The following GRM8 variants were observed in gnomAD, a reference collection of about 807,000 sequenced individuals.
The protein encoded by GRM8 is glutamate metabotropic receptor 8.
A neutral mutation model predicts 87.2 loss-of-function variants in GRM8; 47 were observed. That is an observed-to-expected ratio of 0.54 (90% confidence interval 0.43 to 0.69). GRM8 has a LOEUF of 0.69. Ranked by LOEUF, GRM8 falls within the 30% of genes least tolerant of loss-of-function variation. The pLI is 0.00. For synonymous variants in GRM8, 396 were observed against 404.5 expected (o/e 0.98, Z 0.25); for missense variants, 1,019 against 1,139.2 (o/e 0.89, Z 1.52).
At chr7:127,028,221 T>C (rs1816995523) in intron 3 of GRM8, among the ~76,000 whole-genome samples, 1 of 152,360 alleles carries the variant, frequency 6.6e-6, no homozygotes, top group South Asian at 2.1e-4. Context: ...GATGTGCTGC[T>C]GGATTCAGTT....
chr7:126,543,722 T>C (rs1816803819), intron 8 of GRM8, among the ~76,000 whole-genome samples: 1 of 152,150 alleles, frequency 6.6e-6, no homozygotes, highest in African/African-American at 2.4e-5. Flanking sequence ...TGAATATTTA[T>C]GAGAGAGCTC....
chr7:127,032,459 G>A (rs1014352588), intron 3 of GRM8, among the ~76,000 whole-genome samples: 2 of 151,998 alleles, frequency 1.3e-5, no homozygotes, highest in Admixed American at 6.6e-5. Context: ...TCACACTCCT[G>A]GGACACTCAA....
intron 6 of GRM8, among the ~76,000 whole-genome samples, chr7:126,794,312 C>T (rs926412857): frequency 6.6e-6 from 1 of 152,082 alleles, no homozygotes. Flanking sequence ...ACAACCAGTC[C>T]TAAATTGTTA....
At chr7:126,615,110 A>C (rs1799321610) in intron 7 of GRM8, among the ~76,000 whole-genome samples, 2 of 152,324 alleles carry the variant, frequency 1.3e-5, no homozygotes, top group South Asian at 2.1e-4. Flanking sequence ...AAAAATGTTA[A>C]GGGCAGCCAG....
In GRM8 at chr7:126,810,134, G is replaced by A. The variant is rs570331765; in HGVS notation, c.1157-40069C>T. Among the ~76,000 whole-genome samples, 5 of 152,220 alleles carry A rather than the reference G, an allele frequency of 3.3e-5. No homozygotes were observed. In the South Asian group the frequency reaches 1.0e-3, roughly 32 times the overall value. ...TGGCCCTCTAATAAATGACAACTTA[G>A]AGAAATTCTAAGTTTAATTGATACT... On this transcript the variant is annotated intron_variant, in intron 6 of 10. Coordinates refer to ENST00000339582, the MANE Select transcript of GRM8 (RefSeq NM_000845.3).
intron 7 of GRM8, among the ~76,000 whole-genome samples, chr7:126,611,819 A>G (rs143116361): frequency 1.0e-3 from 153 of 152,328 alleles, no homozygotes; most frequent in African/African-American, 3.6e-3. Context: ...CTGTTTCTAT[A>G]TCCAAGTCAA....
At chr7:127,135,728 G>A (rs947433483) in intron 2 of GRM8, among the ~76,000 whole-genome samples, 13 of 150,450 alleles carry the variant, frequency 8.6e-5, no homozygotes, top group East Asian at 2.0e-4. Context: ...ATTTACATTC[G>A]CCTACAATCG....
chr7:127,198,097 T>C (rs1472084197), intron 2 of GRM8, among the ~76,000 whole-genome samples: 2 of 152,200 alleles, frequency 1.3e-5, no homozygotes, highest in African/African-American at 2.4e-5. Flanking sequence ...ATTTTTGATA[T>C]AATTGTACAA....
intron 2 of GRM8, among the ~76,000 whole-genome samples, chr7:127,153,415 A>G (rs1792528130): frequency 6.6e-6 from 1 of 152,172 alleles, no homozygotes; most frequent in South Asian, 2.1e-4. Context: ...AAACCTTGAT[A>G]GGAGGGACAC....
intron 3 of GRM8, among the ~76,000 whole-genome samples, chr7:126,990,677 A>G (rs984710355): frequency 9.9e-5 from 15 of 152,238 alleles, no homozygotes; most frequent in Admixed American, 9.2e-4. Context: ...ACCTTGGGCA[A>G]CTTAATAAAC....
chr7:126,750,511 T>C (rs1354654794), intron 7 of GRM8, among the ~76,000 whole-genome samples: 1 of 152,024 alleles, frequency 6.6e-6, no homozygotes, highest in Non-Finnish European at 1.5e-5. Context: ...AAAAAAATAA[T>C]GGGCTGGAAA....
chr7:126,722,282 A>G (rs1233351292), intron 7 of GRM8, among the ~76,000 whole-genome samples: 1 of 152,116 alleles, frequency 6.6e-6, no homozygotes, highest in East Asian at 1.9e-4. Flanking sequence ...CCATCACCTA[A>G]AGGAAAGTGA....
intron 2 of GRM8, among the ~76,000 whole-genome samples, chr7:127,204,147 AG>A: frequency 6.6e-6 from 1 of 152,212 alleles, no homozygotes; most frequent in Non-Finnish European, 1.5e-5. Context: ...AGACACAAAG[AG>A]GCTAAACACT....
intron 7 of GRM8, among the ~76,000 whole-genome samples, chr7:126,614,083 A>G (rs1295542657): frequency 6.6e-6 from 1 of 152,204 alleles, no homozygotes; most frequent in South Asian, 2.1e-4. Flanking sequence ...TGCCTTCTCA[A>G]GTAGGTCCCT....
intron 9 of GRM8, among the ~76,000 whole-genome samples, chr7:126,513,234 T>C (rs763584879): frequency 3.3e-5 from 5 of 152,166 alleles, no homozygotes; most frequent in African/African-American, 1.2e-4. Context: ...AAAATCCATA[T>C]GCTTTAAAAC....
intron 8 of GRM8, among the ~76,000 whole-genome samples, chr7:126,585,183 C>G (rs1331440758): frequency 6.6e-6 from 1 of 151,940 alleles, no homozygotes; most frequent in African/African-American, 2.4e-5. Flanking sequence ...TTTTCAATAT[C>G]TGAAATAAAT....
intron 3 of GRM8, among the ~76,000 whole-genome samples, chr7:127,054,596 T>C (rs1423546535): frequency 1.3e-5 from 2 of 152,104 alleles, no homozygotes; most frequent in Non-Finnish European, 2.9e-5. Context: ...TTAGCGCAAC[T>C]AGTAACTCGT....
chr7:126,453,447 G>T (rs1802873325), intron 9 of GRM8, among the ~76,000 whole-genome samples: 1 of 151,840 alleles, frequency 6.6e-6, no homozygotes, highest in Non-Finnish European at 1.5e-5. Flanking sequence ...GAAGACTACA[G>T]ATGCAGAGCA....
intron 9 of GRM8, among the ~76,000 whole-genome samples, chr7:126,463,459 T>C (rs749467536): frequency 3.3e-5 from 5 of 151,580 alleles, no homozygotes; most frequent in Admixed American, 6.6e-5. Context: ...TCAGATGGAT[T>C]GTAACGATTG....
Sources: gnomAD v4.1 joint callset for allele counts (sites outside exome capture counted in the v4.1 genomes callset) on GRCh38, gnomAD v4.1.1 for gene constraint, MANE v1.5 for transcripts, NCBI Gene and HGNC (gene_info 2026-07-23, HGNC 2026-07-21) for gene names.